DPH6: variants seen among roughly 807,000 people sequenced by gnomAD.
The protein encoded by DPH6 is diphthamine biosynthesis 6.
In DPH6, 33 loss-of-function variants were observed where a neutral mutation model predicts 38.2. The observed-to-expected ratio is 0.86, with a 90% confidence interval of 0.65 to 1.15. The LOEUF is 1.15. Ranked by LOEUF, DPH6 falls within the 50% of genes most tolerant of loss-of-function variation. The probability of loss-of-function intolerance (pLI) is 0.00; values close to 1 mark genes in which losing one functional copy is unlikely to be tolerated. For missense variants in DPH6, 325 were observed against 320.0 expected, an observed-to-expected ratio of 1.02 and a Z score of -0.12; for synonymous variants, 108 against 103.0, an observed-to-expected ratio of 1.05 and a Z score of -0.30.
At chr15:35,327,534 A>T (rs1245306341), downstream of DPH6, among the ~76,000 whole-genome samples, 1 of 151,872 alleles carries the variant, frequency 6.6e-6, no homozygotes, top group African/African-American at 2.4e-5. Context: ...TTTAGTAGAG[A>T]CGGGGTTTCA....
chr15:35,276,516 T>C (rs1198084321), intron 3 of DPH6, among the ~76,000 whole-genome samples: 1 of 152,232 alleles, frequency 6.6e-6, no homozygotes, highest in Non-Finnish European at 1.5e-5. Context: ...CCTAAGCCAA[T>C]GTCTAGAAGG....
chr15:35,540,267 T>C (rs930535481), intron 2 of DPH6, among the ~76,000 whole-genome samples: 1 of 152,096 alleles, frequency 6.6e-6, no homozygotes, highest in Non-Finnish European at 1.5e-5. Flanking sequence ...CTGAAGCAAC[T>C]CAATTAACAT....
intron 6 of DPH6, among the ~76,000 whole-genome samples, chr15:35,394,333 G>C (rs1218737204): frequency 6.6e-6 from 1 of 152,054 alleles, no homozygotes; most frequent in Non-Finnish European, 1.5e-5. Flanking sequence ...AAGAGCACAG[G>C]CTTGAAATCA....
intron 3 of DPH6, among the ~76,000 whole-genome samples, chr15:35,260,194 C>T (rs1566852981): frequency 6.6e-6 from 1 of 152,150 alleles, no homozygotes; most frequent in Non-Finnish European, 1.5e-5. Context: ...TTGCAACCTC[C>T]GCCTCCTGGG....
At chr15:35,431,523 CCTT>C (rs2053632287) in intron 5 of DPH6, among the ~76,000 whole-genome samples, 2 of 151,966 alleles carry the variant, frequency 1.3e-5, no homozygotes, top group Non-Finnish European at 2.9e-5. Flanking sequence ...AAGAAGTGCT[CCTT>C]AAGCTAAGGC....
downstream of DPH6, among the ~76,000 whole-genome samples, chr15:35,214,411 C>CTT (rs1566840917): frequency 1.3e-5 from 2 of 152,248 alleles, no homozygotes; most frequent in East Asian, 3.9e-4. Context: ...GATTTTCCTC[C>CTT]TTCTCATGTT....
At chr15:35,396,535 C>T (rs1434024972) in intron 6 of DPH6, 1 of 152,158 alleles carries the variant, frequency 6.6e-6, no homozygotes, top group African/African-American at 2.4e-5. Context: ...AGTCAAAAAT[C>T]CTATCTATCC....
downstream of DPH6, among the ~76,000 whole-genome samples, chr15:35,327,202 C>A (rs988207778): frequency 1.3e-5 from 2 of 152,160 alleles, no homozygotes; most frequent in East Asian, 3.8e-4. Flanking sequence ...CAAGCTTTTG[C>A]AGCATATTAA....
chr15:35,412,049 T>C (rs1395835172), intron 5 of DPH6, among the ~76,000 whole-genome samples: 2 of 151,570 alleles, frequency 1.3e-5, no homozygotes, highest in Non-Finnish European at 3.0e-5. Context: ...TGAAAGATAA[T>C]GTAAAGAGAG....
At chr15:35,540,184 G>GT (rs1378078619) in intron 2 of DPH6, among the ~76,000 whole-genome samples, 1 of 151,984 alleles carries the variant, frequency 6.6e-6, no homozygotes, top group African/African-American at 2.4e-5. Flanking sequence ...TAACCACATT[G>GT]TAACTTTGAT....
chr15:35,186,140 T>C, the DPH6 span, among the ~76,000 whole-genome samples: 1 of 152,182 alleles, frequency 6.6e-6, no homozygotes, highest in Non-Finnish European at 1.5e-5. Context: ...GGATCTTTCC[T>C]AGCCATATAC....
At chr15:35,189,529 T>C in the DPH6 span, among the ~76,000 whole-genome samples, 1 of 152,226 alleles carries the variant, frequency 6.6e-6, no homozygotes, top group East Asian at 1.9e-4. Flanking sequence ...CCTGGAATTA[T>C]CATCTAAACC....
At chr15:35,241,118 G>A (rs1275649435) in intron 3 of DPH6, among the ~76,000 whole-genome samples, 1 of 142,922 alleles carries the variant, frequency 7.0e-6, no homozygotes, top group Non-Finnish European at 1.5e-5. Context: ...TGTCCCATCT[G>A]TGCGGGACCC....
intron 3 of DPH6, chr15:35,299,445 T>G: frequency 1.3e-6 from 1 of 779,762 alleles, no homozygotes; most frequent in Non-Finnish European, 2.4e-6. Context: ...GGACATCTTT[T>G]CTTCGGTTTA....
chr15:35,398,759 C>T (rs62002901), intron 6 of DPH6, among the ~76,000 whole-genome samples: 39,681 of 152,052 alleles, frequency 0.26, 5,344 homozygotes, highest in South Asian at 0.38. Context: ...TAGGTAACAA[C>T]CTACTACTTG....
chr15:35,381,351 T>G (rs1595514477), intron 7 of DPH6, among the ~76,000 whole-genome samples: 1 of 152,198 alleles, frequency 6.6e-6, no homozygotes, highest in Admixed American at 6.5e-5. Flanking sequence ...AAACAAAGTT[T>G]ATGTGTAAAA....
intron 3 of DPH6, among the ~76,000 whole-genome samples, chr15:35,308,123 G>A (rs1254934796): frequency 6.6e-6 from 1 of 152,034 alleles, no homozygotes; most frequent in Non-Finnish European, 1.5e-5. Flanking sequence ...ATAAAAATTA[G>A]CTGGATGTGG....
intron 3 of DPH6, among the ~76,000 whole-genome samples, chr15:35,250,923 C>G (rs1266587703): frequency 2.6e-5 from 4 of 152,054 alleles, no homozygotes; most frequent in Admixed American, 6.6e-5. Flanking sequence ...CAATAAGTTA[C>G]TTACTGAGTT....
intron 3 of DPH6, among the ~76,000 whole-genome samples, chr15:35,307,503 T>C (rs529510260): frequency 6.6e-6 from 1 of 152,246 alleles, no homozygotes; most frequent in African/African-American, 2.4e-5. Flanking sequence ...GACCCTGTTT[T>C]TCCTGAGGAA....
Sources: allele counts gnomAD v4.1 joint callset (sites outside exome capture counted in the v4.1 genomes callset), GRCh38; gene constraint gnomAD v4.1.1; transcripts MANE v1.5; gene names NCBI Gene and HGNC (gene_info 2026-07-23, HGNC 2026-07-21).